Variants in TGFA observed in about 807,000 individuals in gnomAD.
TGFA encodes protransforming growth factor alpha.
In TGFA, 12 loss-of-function variants were observed where a neutral mutation model predicts 21.7. The observed-to-expected ratio is 0.55, with a 90% confidence interval of 0.35 to 0.90. TGFA has a LOEUF of 0.90. Among genes scored for constraint, TGFA ranks in the 40% least tolerant of loss-of-function variants. The probability of loss-of-function intolerance (pLI) is 0.01; values close to 1 mark genes in which losing one functional copy is unlikely to be tolerated. For synonymous variants in TGFA, 79 were observed against 88.1 expected (o/e 0.90, Z 0.58); for missense variants, 178 against 210.8 (o/e 0.84, Z 0.96).
chr2:70,545,323 C>T (rs10489984), intron 1 of TGFA, among the ~76,000 whole-genome samples: 15,819 of 152,214 alleles, frequency 0.1, 924 homozygotes, highest in Middle Eastern at 0.17. Flanking sequence ...TCATTTTAAA[C>T]TGCTAGTAGG....
chr2:70,469,511 T>A (rs2103711564), intron 2 of TGFA, among the ~76,000 whole-genome samples: 1 of 152,086 alleles, frequency 6.6e-6, no homozygotes, highest in East Asian at 1.9e-4. Flanking sequence ...AATTTTTGTA[T>A]CTTAGTAGAG....
rs919451588 is a variant in TGFA at position 70,447,601 on chromosome 2, A to C, written c.*3258T>G. 7.4e-4 allele frequency: 113 copies of C among 152,774 alleles called. No homozygotes were observed. Among genetic ancestry groups the C allele is most frequent in the African/African-American group, 2.7e-3 (111 of 41,594 alleles). The allele number at this position is 152,774 out of a possible 1,614,324, so 9.5% of individuals were successfully genotyped here. On this transcript the variant is annotated 3_prime_UTR_variant, in exon 6 of 6. Transcript: ENST00000295400. ...ATAATGAAAAGTTGACCATTTTAGT[A>C]AATTATTAAGACTAAGAAGAGGAGT...
At chr2:70,485,763 C>T (rs1671253229) in intron 2 of TGFA, among the ~76,000 whole-genome samples, 1 of 152,136 alleles carries the variant, frequency 6.6e-6, no homozygotes, top group Non-Finnish European at 1.5e-5. Flanking sequence ...GCTACAAAGA[C>T]ATTATAGCTG....
chr2:70,546,090 AGT>A (rs1326152802), intron 1 of TGFA, among the ~76,000 whole-genome samples: 13 of 152,208 alleles, frequency 8.5e-5, no homozygotes, highest in African/African-American at 3.1e-4. Flanking sequence ...AGATCAAGAA[AGT>A]GAGAGAAAAG....
rs542341744 is a variant in TGFA at position 70,459,855 on chromosome 2, G to A, written c.216-3367C>T. Among the ~76,000 whole-genome samples, 66 of 152,314 alleles carry A rather than the reference G, an allele frequency of 4.3e-4. 2 individuals are homozygous for A. In the South Asian group the frequency reaches 0.013, roughly 31 times the overall value. On this transcript the variant is annotated intron_variant, in intron 3 of 5. Transcript: ENST00000295400. ...CAACTCCCAGTCCCACACAGTGAGG[G>A]AACCCAACATGCTTCTGAGCGAACA...
intron 1 of TGFA, among the ~76,000 whole-genome samples, chr2:70,545,248 C>CGAAGAT (rs1326469369): frequency 2.7e-5 from 4 of 150,734 alleles, no homozygotes; most frequent in African/African-American, 4.9e-5. Flanking sequence ...ACAAAGAAGA[C>CGAAGAT]GAAGATGAAG....
intron 1 of TGFA, chr2:70,553,357 A>G: frequency 6.8e-7 from 1 of 1,471,084 alleles, no homozygotes; most frequent in Non-Finnish European, 8.9e-7. Context: ...TCTACACGCC[A>G]GCGACGCCGG....
intron 3 of TGFA, among the ~76,000 whole-genome samples, chr2:70,462,345 G>C (rs1468265134): frequency 1.3e-5 from 2 of 152,350 alleles, no homozygotes; most frequent in South Asian, 4.1e-4. Flanking sequence ...TGCCGTCAGA[G>C]GGGTCTGCAG....
intron 3 of TGFA, among the ~76,000 whole-genome samples, chr2:70,465,104 G>A (rs1248057361): frequency 6.6e-6 from 1 of 152,186 alleles, no homozygotes; most frequent in African/African-American, 2.4e-5. Context: ...CACCATGCAT[G>A]TCCTGCATCT....
chr2:70,467,109 T>C (rs1163729268), intron 2 of TGFA, among the ~76,000 whole-genome samples: 1 of 152,050 alleles, frequency 6.6e-6, no homozygotes, highest in Non-Finnish European at 1.5e-5. Flanking sequence ...ACCTAGGTGA[T>C]GGATTGTTAT....
chr2:70,470,034 T>C (rs561717265), intron 2 of TGFA, among the ~76,000 whole-genome samples: 17 of 151,616 alleles, frequency 1.1e-4, no homozygotes, highest in Admixed American at 2.0e-4. Flanking sequence ...CAAGTGTGTG[T>C]GGGAGAAACA....
intron 2 of TGFA, among the ~76,000 whole-genome samples, chr2:70,489,413 C>T (rs539060960): frequency 6.6e-6 from 1 of 152,364 alleles, no homozygotes; most frequent in South Asian, 2.1e-4. Flanking sequence ...ATGTTCTGGG[C>T]TGCCTGGGGA....
At chr2:70,500,217 A>G (rs1671695858) in intron 2 of TGFA, among the ~76,000 whole-genome samples, 1 of 152,224 alleles carries the variant, frequency 6.6e-6, no homozygotes. Flanking sequence ...GCTTCTCGGG[A>G]TATCCTCTTC....
chr2:70,472,252 C>T (rs1402105485), intron 2 of TGFA, among the ~76,000 whole-genome samples: 4 of 152,232 alleles, frequency 2.6e-5, no homozygotes, highest in African/African-American at 9.6e-5. Flanking sequence ...GGCCCATCTC[C>T]TCCAGACACC....
chr2:70,528,317 C>T (rs1553503196), intron 1 of TGFA, among the ~76,000 whole-genome samples: 1 of 152,198 alleles, frequency 6.6e-6, no homozygotes, highest in African/African-American at 2.4e-5. Flanking sequence ...CATGTATTCA[C>T]AGTGGCTCCC....
At chr2:70,528,954 A>C (rs541940669) in intron 1 of TGFA, among the ~76,000 whole-genome samples, 2 of 152,184 alleles carry the variant, frequency 1.3e-5, no homozygotes, top group Non-Finnish European at 2.9e-5. Flanking sequence ...ACAAGAGAGC[A>C]CTGGGTGGGA....
At chr2:70,523,449 C>T (rs1389634637) in intron 1 of TGFA, among the ~76,000 whole-genome samples, 1 of 152,186 alleles carries the variant, frequency 6.6e-6, no homozygotes, top group Non-Finnish European at 1.5e-5. Flanking sequence ...CTCCCTATTA[C>T]AGCCCTTTCT....
At chr2:70,507,599 G>C (rs1671966478) in intron 2 of TGFA, among the ~76,000 whole-genome samples, 1 of 152,130 alleles carries the variant, frequency 6.6e-6, no homozygotes, top group Non-Finnish European at 1.5e-5. Flanking sequence ...ACATCTGATT[G>C]TTCTGTAAAA....
chr2:70,540,149 G>A (rs1673093995), intron 1 of TGFA, among the ~76,000 whole-genome samples: 1 of 152,236 alleles, frequency 6.6e-6, no homozygotes, highest in South Asian at 2.1e-4. Context: ...AGAGAGAAAC[G>A]TGGTAAGTAA....
Sources: allele counts gnomAD v4.1 joint callset (sites outside exome capture counted in the v4.1 genomes callset), GRCh38; gene constraint gnomAD v4.1.1; transcripts MANE v1.5; gene names NCBI Gene and HGNC (gene_info 2026-07-23, HGNC 2026-07-21).